The following SRGAP3 variants were observed in gnomAD, a reference collection of about 807,000 sequenced individuals.
The protein encoded by SRGAP3 is SLIT-ROBO Rho GTPase-activating protein 3.
In SRGAP3, 39 loss-of-function variants were observed where a neutral mutation model predicts 121.1. The observed-to-expected ratio is 0.32, with a 90% CI of 0.25 to 0.42. SRGAP3 has a LOEUF of 0.42. Among genes scored for constraint, SRGAP3 ranks in the 10% least tolerant of loss-of-function variants. SRGAP3 has a pLI of 1.00. For missense variants in SRGAP3, 1,213 were observed against 1,470.6 expected (o/e 0.82, Z 2.86); for synonymous variants, 601 against 570.0 (o/e 1.05, Z -0.77).
chr3:9,203,986 C>A (rs1031433054), intron 1 of SRGAP3, among the ~76,000 whole-genome samples: 1 of 152,158 alleles, frequency 6.6e-6, no homozygotes, highest in Non-Finnish European at 1.5e-5. Context: ...CCCCCACGCC[C>A]CACCAAAACA....
intron 1 of SRGAP3, among the ~76,000 whole-genome samples, chr3:9,213,653 C>T (rs928527767): frequency 6.6e-6 from 1 of 152,156 alleles, no homozygotes; most frequent in Non-Finnish European, 1.5e-5. Context: ...AAAATTGGTC[C>T]CATCACCTCC....
At chr3:9,240,901 G>A (rs936379300) in intron 1 of SRGAP3, among the ~76,000 whole-genome samples, 5 of 152,084 alleles carry the variant, frequency 3.3e-5, no homozygotes, top group African/African-American at 7.2e-5. Flanking sequence ...GACACACCGC[G>A]GTGGCATCAA....
At chr3:9,307,476 C>G (rs1440791454) in intron 3 of SRGAP3, among the ~76,000 whole-genome samples, 1 of 152,140 alleles carries the variant, frequency 6.6e-6, no homozygotes, top group East Asian at 1.9e-4. Context: ...GGAGAGCAGC[C>G]CATGAACCTA....
intron 10 of SRGAP3, among the ~76,000 whole-genome samples, chr3:9,042,229 T>A (rs1254732518): frequency 6.6e-6 from 1 of 152,124 alleles, no homozygotes; most frequent in Non-Finnish European, 1.5e-5. Flanking sequence ...ATAAGATATT[T>A]TCTATTTTGT....
At chr3:9,325,370 A>G (rs1416037139) in intron 3 of SRGAP3, among the ~76,000 whole-genome samples, 1 of 151,886 alleles carries the variant, frequency 6.6e-6, no homozygotes, top group Non-Finnish European at 1.5e-5. Flanking sequence ...CTTTTCATTA[A>G]TCCCATAAAA....
At chr3:9,146,593 C>G (rs375879855) in intron 1 of SRGAP3, among the ~76,000 whole-genome samples, 1 of 152,224 alleles carries the variant, frequency 6.6e-6, no homozygotes, top group African/African-American at 2.4e-5. Flanking sequence ...TCAGATGTCT[C>G]ATGGGAGATG....
At chr3:9,088,245 C>A (rs959896854) in intron 3 of SRGAP3, among the ~76,000 whole-genome samples, 1 of 152,164 alleles carries the variant, frequency 6.6e-6, no homozygotes, top group African/African-American at 2.4e-5. Flanking sequence ...CCTTCATGCA[C>A]AGGGAGTGTG....
At chr3:9,294,741 T>TGTGTGTGTGTG (rs1491131145) in intron 3 of SRGAP3, among the ~76,000 whole-genome samples, 130 of 146,032 alleles carry the variant, frequency 8.9e-4, no homozygotes, top group South Asian at 2.4e-3. Context: ...TGTGTGTGTG[T>TGTGTGTGTGTG]TTGGGAGGGC....
intron 6 of SRGAP3, chr3:9,058,820 A>G: frequency 3.6e-6 from 1 of 277,642 alleles, no homozygotes; most frequent in East Asian, 8.5e-5. Flanking sequence ...CCCGGGTTCA[A>G]TCGATTCTCC....
chr3:9,177,087 G>A (rs1165714835), intron 1 of SRGAP3, among the ~76,000 whole-genome samples: 3 of 152,150 alleles, frequency 2.0e-5, no homozygotes, highest in African/African-American at 7.2e-5. Context: ...TGGCTCTAGG[G>A]AAGTGTATGC....
rs539527971 is a variant in SRGAP3, at chr3:9,249,305, ACACT to A, written c.-358_-355del. The A allele has an allele frequency of 1.3e-4, 56 of 441,368 alleles. 1 individual carries two copies. Among genetic ancestry groups the A allele is most frequent in the Admixed American group, 1.0e-3 (28 of 27,952 alleles). The allele number at this position is 441,368 out of a possible 1,614,324, so 27.3% of individuals were successfully genotyped here. Reference sequence around the variant, plus strand: ...CTCACACACACATGCACACGTACACACACTCACGCATGCACAGGCACACTCACCG... The same window carrying A: ...CTCACACACACATGCACACGTACACACACGCATGCACAGGCACACTCACCG... On this transcript the variant is annotated 5_prime_UTR_variant, in exon 1 of 22. The change creates a premature stop within an existing upstream ORF in the 5' untranslated region. Coordinates refer to ENST00000383836, the MANE Select transcript of SRGAP3 (RefSeq NM_014850.4).
intron 1 of SRGAP3, among the ~76,000 whole-genome samples, chr3:9,146,957 C>T (rs1247103585): frequency 5.9e-5 from 9 of 152,122 alleles, no homozygotes; most frequent in African/African-American, 2.2e-4. Context: ...AGAAATGGAC[C>T]CCCTCCACGC....
At chr3:9,214,110 C>T (rs1469092897) in intron 1 of SRGAP3, among the ~76,000 whole-genome samples, 1 of 136,718 alleles carries the variant, frequency 7.3e-6, no homozygotes, top group Non-Finnish European at 1.7e-5. Context: ...CACCCCTACC[C>T]ACCTCCAACA....
chr3:9,229,490 C>T (rs60276751), intron 1 of SRGAP3, among the ~76,000 whole-genome samples: 57,623 of 151,704 alleles, frequency 0.38, 11,728 homozygotes, highest in Admixed American at 0.47. Context: ...AGGCCAAAGG[C>T]GTTCTCCACG....
At chr3:9,076,485 A>G (rs1946981673) in intron 4 of SRGAP3, among the ~76,000 whole-genome samples, 1 of 152,146 alleles carries the variant, frequency 6.6e-6, no homozygotes, top group Non-Finnish European at 1.5e-5. Context: ...GATTTGGCCA[A>G]GCTCGTAAGT....
At chr3:9,280,777 G>T (rs904032528) in intron 3 of SRGAP3, among the ~76,000 whole-genome samples, 5 of 151,940 alleles carry the variant, frequency 3.3e-5, no homozygotes, top group African/African-American at 1.2e-4. Context: ...ATTTTCCAAA[G>T]GCAAAAAGAA....
intron 3 of SRGAP3, among the ~76,000 whole-genome samples, chr3:9,102,578 G>A (rs1948258599): frequency 6.6e-6 from 1 of 152,194 alleles, no homozygotes. Context: ...CCGAAATTAG[G>A]TGTAACTGAT....
intron 3 of SRGAP3, chr3:9,293,464 C>T (rs1353172210): frequency 6.6e-6 from 1 of 152,028 alleles, no homozygotes. Flanking sequence ...TTTCTTTTTC[C>T]AAAACTCTGC....
At chr3:9,038,245 C>T (rs531677864) in intron 10 of SRGAP3, among the ~76,000 whole-genome samples, 155 bp from the exon 11 acceptor site, 1 of 152,294 alleles carries the variant, frequency 6.6e-6, no homozygotes, top group East Asian at 1.9e-4. Flanking sequence ...AAAAGAACTG[C>T]GTCTTATTAA....
Sources: allele counts gnomAD v4.1 joint callset (sites outside exome capture counted in the v4.1 genomes callset), GRCh38; gene constraint gnomAD v4.1.1; transcripts MANE v1.5; gene names NCBI Gene and HGNC (gene_info 2026-07-23, HGNC 2026-07-21).